The following CBX5 variants were observed in gnomAD, a reference collection of about 807,000 sequenced individuals.
CBX5 encodes the protein chromobox protein homolog 5.
CBX5 carries 7 observed loss-of-function variants against 20.7 expected under a neutral mutation model. That is an observed-to-expected ratio of 0.34 (90% CI 0.19 to 0.63). CBX5 has a LOEUF of 0.63. CBX5 is among the 30% of genes least tolerant of loss of function. The probability of loss-of-function intolerance (pLI) is 0.75; values close to 1 mark genes in which losing one functional copy is unlikely to be tolerated. For synonymous variants in CBX5, 78 were observed against 77.0 expected (o/e 1.01, Z -0.07); for missense variants, 110 against 224.1 (o/e 0.49, Z 3.25).
chr12:54,279,313 C>A (rs1193129336), intron 1 of CBX5, among the ~76,000 whole-genome samples: 1 of 151,852 alleles, frequency 6.6e-6, no homozygotes, highest in Non-Finnish European at 1.5e-5. Flanking sequence ...CAAAAAAAAA[C>A]AACTCCTGTT....
In CBX5 at chr12:54,238,509, T is replaced by C. The variant is rs983825536; in HGVS notation, c.*3246A>G. On this transcript the variant is annotated 3_prime_UTR_variant, in exon 5 of 5. Coordinates refer to ENST00000209875, the MANE Select transcript of CBX5 (RefSeq NM_012117.3). Reference sequence around the variant, plus strand: ...GATCTACTGAGGAGTGAAATCTAAATGAAGATTTAGCTTAGAAAGCATGAA... The same window carrying C: ...GATCTACTGAGGAGTGAAATCTAAACGAAGATTTAGCTTAGAAAGCATGAA... 1 of 152,192 alleles carries C rather than the reference T, an allele frequency of 6.6e-6. No individual in the cohort carries two copies. Among genetic ancestry groups the C allele is most frequent in the Non-Finnish European group, 1.5e-5 (1 of 68,042 alleles). 9.4% of individuals were successfully genotyped at this position (152,192 alleles called of 1,614,324 possible).
In CBX5 at chr12:54,270,539, T is replaced by C. The variant is rs948915552; in HGVS notation, c.-43+9469A>G. Among the ~76,000 whole-genome samples the C allele has an allele frequency of 3.9e-4, 60 of 152,150 alleles. 1 individual carries two copies. Among genetic ancestry groups the C allele is most frequent in the Admixed American group, 3.9e-3 (59 of 15,270 alleles). ...CCTCTCGCCTCAGCTTCTCAAAGCG[T>C]TGAGTTTACAGGAATCAGTCACAGC... On this transcript the variant is annotated intron_variant, in intron 1 of 4. Coordinates refer to ENST00000209875, the MANE Select transcript of CBX5 (RefSeq NM_012117.3).
At chr12:54,260,411 T>C (rs955068383) in intron 1 of CBX5, among the ~76,000 whole-genome samples, 1 of 152,032 alleles carries the variant, frequency 6.6e-6, no homozygotes, top group Non-Finnish European at 1.5e-5. Flanking sequence ...GAGAAATCGC[T>C]TGAACCCAGG....
At chr12:54,274,855 G>A (rs1364113822) in intron 1 of CBX5, among the ~76,000 whole-genome samples, 2 of 152,096 alleles carry the variant, frequency 1.3e-5, no homozygotes, top group East Asian at 3.9e-4. Context: ...CAGGAGGATC[G>A]CTTGAATCCG....
rs1943570566 is a variant in CBX5, at chr12:54,231,638, G to A, written c.*10117C>T. 6.6e-6 allele frequency: 1 copy of A among 152,406 alleles called. No individual in the cohort carries two copies. The highest frequency in any genetic ancestry group is 1.5e-5 in the Non-Finnish European group (1 of 68,052). The allele number at this position is 152,406 out of a possible 1,614,324, so 9.4% of individuals were successfully genotyped here. On this transcript the variant is annotated 3_prime_UTR_variant, in exon 5 of 5. Coordinates refer to ENST00000209875, the MANE Select transcript of CBX5 (RefSeq NM_012117.3). Reference sequence around the variant, plus strand: ...CTGAGATGGAAAGAGTAAGGCTCTTGAGCCCACACCTGGCCAAGTAGAAAT... The same window carrying A: ...CTGAGATGGAAAGAGTAAGGCTCTTAAGCCCACACCTGGCCAAGTAGAAAT...
At position 54,240,400 on chromosome 12, in the gene CBX5, T is replaced by C. The variant is rs948997904; in HGVS notation, c.*1355A>G. 1.3e-5 allele frequency: 2 copies of C among 152,220 alleles called. No homozygotes were observed. Among genetic ancestry groups the C allele is most frequent in the African/African-American group, 2.4e-5 (1 of 41,454 alleles). 9.4% of individuals were successfully genotyped at this position (152,220 alleles called of 1,614,324 possible). ...AGGAACATGCCTTTATTTTTATTTA[T>C]ATTTTTTAGAGACAGGGGGTCTCAC... On this transcript the variant is annotated 3_prime_UTR_variant, in exon 5 of 5. Coordinates refer to ENST00000209875, the MANE Select transcript of CBX5 (RefSeq NM_012117.3).
intron 2 of CBX5, among the ~76,000 whole-genome samples, chr12:54,253,970 C>T (rs1251174130): frequency 5.9e-5 from 9 of 151,854 alleles, no homozygotes; most frequent in Non-Finnish European, 7.4e-5. Context: ...AGGCTGGTCT[C>T]GAACTCCTGA....
intron 1 of CBX5, among the ~76,000 whole-genome samples, chr12:54,267,320 T>TC (rs1460376467): frequency 6.6e-6 from 1 of 152,184 alleles, no homozygotes; most frequent in East Asian, 1.9e-4. Flanking sequence ...AAAACACTTG[T>TC]CCCCAAATAA....
In CBX5 at chr12:54,237,590, CA is replaced by C. The variant is rs1943636155; in HGVS notation, c.*4164del. 6.5e-6 allele frequency: 1 copy of C among 152,764 alleles called. No individual in the cohort carries two copies. 9.5% of individuals were successfully genotyped at this position (152,764 alleles called of 1,614,324 possible). On this transcript the variant is annotated 3_prime_UTR_variant, in exon 5 of 5. Transcript: ENST00000209875. Reference sequence around the variant, plus strand: ...AGCTAATGACTGCTTCTCAGTAATTCAGGAAAAATTTAGAAATATAGCATTG... The same window carrying C: ...AGCTAATGACTGCTTCTCAGTAATTCGGAAAAATTTAGAAATATAGCATTG...
chr12:54,244,167 A>C, intron 4 of CBX5, among the ~76,000 whole-genome samples: 1 of 140,100 alleles, frequency 7.1e-6, no homozygotes, highest in Non-Finnish European at 1.6e-5. Flanking sequence ...AAGCCTGGCT[A>C]TTTTTTTTTT....
chr12:54,241,671 T>C lies in CBX5; in HGVS notation c.*84A>G, dbSNP rs1460427958. The C allele has an allele frequency of 6.0e-6, 8 of 1,328,456 alleles. No individual in the cohort carries two copies. The East Asian group carries it at 7.0e-5, about 12-fold the overall frequency. The allele number at this position is 1,328,456 out of a possible 1,614,324, so 82.3% of individuals were successfully genotyped here. ...ACATTTTTTATGGATGTGTTTAGGATAGAAAGGGGTGGGTAGAAAGGAGAG... is the reference window on the plus strand; with the variant it reads ...ACATTTTTTATGGATGTGTTTAGGACAGAAAGGGGTGGGTAGAAAGGAGAG... On this transcript the variant is annotated 3_prime_UTR_variant, in exon 5 of 5. Transcript: ENST00000209875.
chr12:54,257,376 A>C (rs1943870778), intron 2 of CBX5, 138 bp downstream of exon 2: 2 of 763,166 alleles, frequency 2.6e-6, no homozygotes, highest in Non-Finnish European at 4.2e-6. Context: ...TGTTTTCTTT[A>C]CTGCTGTGTC....
intron 1 of CBX5, among the ~76,000 whole-genome samples, chr12:54,278,237 C>T (rs1421578384): frequency 6.6e-6 from 1 of 152,206 alleles, no homozygotes; most frequent in African/African-American, 2.4e-5. Context: ...TTATCTGCCT[C>T]AAAATACCAA....
intron 4 of CBX5, 73 bp downstream of exon 4, chr12:54,246,042 A>ACC (rs1287837299): frequency 1.0e-6 from 1 of 999,362 alleles, no homozygotes; most frequent in African/African-American, 1.6e-5. Flanking sequence ...CAGTCTTGCC[A>ACC]CCCTATCTTC....
intron 1 of CBX5, chr12:54,262,682 T>C (rs1456655517): frequency 1.3e-5 from 2 of 152,652 alleles, no homozygotes; most frequent in East Asian, 1.9e-4. Flanking sequence ...TTTTAGACAG[T>C]GTGACCCGGA....
Position 54,245,418 on chromosome 12 carries a change from T to C in CBX5, c.425+697A>G, listed in dbSNP as rs75942337. Among the ~76,000 whole-genome samples the C allele has an allele frequency of 1.8e-3, 276 of 152,286 alleles. 1 individual carries two copies. The East Asian group carries it at 0.029, about 16-fold the overall frequency. ...ATAATTCCCATTTAACACCAATAAT[T>C]GGTATCAGTTAAGGATCTCTGACAT... On this transcript the variant is annotated intron_variant, in intron 4 of 4. Coordinates refer to ENST00000209875, the MANE Select transcript of CBX5 (RefSeq NM_012117.3).
At chr12:54,265,916 G>A (rs1292518009) in intron 1 of CBX5, among the ~76,000 whole-genome samples, 2 of 151,962 alleles carry the variant, frequency 1.3e-5, no homozygotes, top group African/African-American at 4.8e-5. Flanking sequence ...GTAAGGCGGT[G>A]CACGTCTATA....
At chr12:54,250,527 C>T (rs972755187) in intron 3 of CBX5, among the ~76,000 whole-genome samples, 5 of 152,010 alleles carry the variant, frequency 3.3e-5, no homozygotes, top group African/African-American at 9.7e-5. Context: ...GGGCCGGGGC[C>T]GGGCGCGGTG....
chr12:54,277,691 A>T (rs1944083736), intron 1 of CBX5, among the ~76,000 whole-genome samples: 1 of 152,206 alleles, frequency 6.6e-6, no homozygotes, highest in African/African-American at 2.4e-5. Context: ...AACAATGATC[A>T]ATTCTGTATC....
Sources: gnomAD v4.1 joint callset for allele counts (sites outside exome capture counted in the v4.1 genomes callset) on GRCh38, gnomAD v4.1.1 for gene constraint, MANE v1.5 for transcripts, NCBI Gene and HGNC (gene_info 2026-07-23, HGNC 2026-07-21) for gene names.